The following WWOX variants were observed in gnomAD, a reference collection of about 807,000 sequenced individuals.
WWOX encodes the protein WW domain-containing oxidoreductase.
A neutral mutation model predicts 46.2 loss-of-function variants in WWOX; 69 were observed. That is an observed-to-expected ratio of 1.49 (90% CI 1.23 to 1.82). The LOEUF is 1.82. WWOX is among the 40% of genes most tolerant of loss of function. WWOX has a pLI of 0.00. For synonymous variants in WWOX, 359 were observed against 202.6 expected (o/e 1.77, Z -6.56); for missense variants, 919 against 542.6 (o/e 1.69, Z -6.89).
intron 8 of WWOX, among the ~76,000 whole-genome samples, chr16:78,992,010 G>A (rs1034668102): frequency 6.6e-6 from 1 of 152,148 alleles, no homozygotes; most frequent in East Asian, 1.9e-4. Context: ...TCACCTGAAG[G>A]ATCTTCTCCC....
chr16:78,976,014 A>G (rs1425784536), intron 8 of WWOX, among the ~76,000 whole-genome samples: 3 of 152,128 alleles, frequency 2.0e-5, no homozygotes, highest in Non-Finnish European at 4.4e-5. Flanking sequence ...TGGAGATGCC[A>G]TGTCCTTTCA....
chr16:78,480,259 T>C (rs1229155804), intron 8 of WWOX, among the ~76,000 whole-genome samples: 3 of 152,222 alleles, frequency 2.0e-5, no homozygotes, highest in African/African-American at 7.2e-5. Context: ...ATATAGAACA[T>C]TTCTACCATA....
intron 8 of WWOX, among the ~76,000 whole-genome samples, chr16:78,821,377 C>G (rs1287389878): frequency 6.6e-6 from 1 of 152,178 alleles, no homozygotes; most frequent in African/African-American, 2.4e-5. Context: ...TATGTGGCCT[C>G]TGGTTTATCC....
chr16:79,073,137 ATAG>A (rs1195814497), intron 8 of WWOX, among the ~76,000 whole-genome samples: 5 of 141,754 alleles, frequency 3.5e-5, no homozygotes, highest in Non-Finnish European at 6.0e-5. Context: ...TTTTTACATT[ATAG>A]TAGTTATTCG....
chr16:78,848,979 C>T (rs985359268), intron 8 of WWOX, among the ~76,000 whole-genome samples: 7 of 152,176 alleles, frequency 4.6e-5, no homozygotes, highest in Non-Finnish European at 1.0e-4. Context: ...AAATCATTTG[C>T]TGCGATGACT....
intron 6 of WWOX, among the ~76,000 whole-genome samples, chr16:78,414,625 GT>G (rs1356759067): frequency 6.6e-6 from 1 of 152,156 alleles, no homozygotes; most frequent in Non-Finnish European, 1.5e-5. Flanking sequence ...CCAATCTTAG[GT>G]TCTACAACAG....
chr16:78,810,192 T>C (rs1053817394), intron 8 of WWOX, among the ~76,000 whole-genome samples: 5 of 152,222 alleles, frequency 3.3e-5, no homozygotes, highest in South Asian at 2.1e-4. Context: ...CCCTTGCCTA[T>C]ACATTTTCAA....
chr16:78,733,863 C>T (rs923442282), intron 8 of WWOX, among the ~76,000 whole-genome samples: 3 of 152,182 alleles, frequency 2.0e-5, no homozygotes, highest in South Asian at 2.1e-4. Context: ...CCCAGGATTT[C>T]GAGACCAACC....
intron 5 of WWOX, among the ~76,000 whole-genome samples, chr16:78,258,432 G>A (rs1163356828): frequency 6.6e-6 from 1 of 152,074 alleles, no homozygotes. Context: ...TGCCTTCAGC[G>A]ATGATCTTTT....
At chr16:78,352,177 C>G (rs769716892) in intron 5 of WWOX, among the ~76,000 whole-genome samples, 3 of 152,218 alleles carry the variant, frequency 2.0e-5, no homozygotes, top group Non-Finnish European at 1.5e-5. Context: ...GCTTCTCTGT[C>G]TTCATTTTTC....
At chr16:78,319,747 C>G (rs1305225095) in intron 5 of WWOX, among the ~76,000 whole-genome samples, 3 of 152,164 alleles carry the variant, frequency 2.0e-5, no homozygotes, top group Non-Finnish European at 4.4e-5. Flanking sequence ...CAGGACTGTT[C>G]CATCTGCACC....
intron 8 of WWOX, among the ~76,000 whole-genome samples, chr16:78,790,642 C>T (rs921339280): frequency 1.7e-4 from 26 of 152,120 alleles, no homozygotes; most frequent in African/African-American, 6.3e-4. Flanking sequence ...TTTCTTCACC[C>T]ATGCCTTGGA....
chr16:78,874,663 C>T (rs1307313291), intron 8 of WWOX, among the ~76,000 whole-genome samples: 5 of 140,738 alleles, frequency 3.6e-5, no homozygotes, highest in East Asian at 2.1e-4. Context: ...TCAACTGTGT[C>T]TGTGACCAGA....
intron 8 of WWOX, among the ~76,000 whole-genome samples, chr16:78,468,455 G>T (rs1049550494): frequency 2.0e-5 from 3 of 152,072 alleles, no homozygotes; most frequent in Non-Finnish European, 2.9e-5. Context: ...TGAGTTTGCA[G>T]ATTCATCCTT....
chr16:78,977,053 C>T (rs2046586537), intron 8 of WWOX, among the ~76,000 whole-genome samples: 1 of 152,300 alleles, frequency 6.6e-6, no homozygotes, highest in Admixed American at 6.5e-5. Flanking sequence ...TCAACTGAGG[C>T]TCACGCACAC....
At chr16:78,544,964 C>G (rs1597243110) in intron 8 of WWOX, among the ~76,000 whole-genome samples, 1 of 150,584 alleles carries the variant, frequency 6.6e-6, no homozygotes, top group South Asian at 2.1e-4. Flanking sequence ...ATCATTTGAG[C>G]CCAGGAGTTA....
chr16:78,753,067 G>C (rs1292234123), intron 8 of WWOX, among the ~76,000 whole-genome samples: 1 of 152,148 alleles, frequency 6.6e-6, no homozygotes, highest in Non-Finnish European at 1.5e-5. Flanking sequence ...GGCCGAGGCG[G>C]GTGGATCACC....
rs1283129822 is a variant in WWOX, at chr16:78,147,682, T to TTGTTTTG, written c.410-16500_410-16499insGTTTTGT. On this transcript the variant is annotated intron_variant, in intron 4 of 8. Coordinates refer to ENST00000566780, the MANE Select transcript of WWOX (RefSeq NM_016373.4). ...TTTTCTTTTTCTTTCTTCCTTTTTT[T>TTGTTTTG]TTTTTTTTTTTTTTAAAAAAAAAAA... Among the ~76,000 whole-genome samples the TTGTTTTG allele has an allele frequency of 1.0e-4, 11 of 109,544 alleles. No individual in the cohort carries two copies. The East Asian group carries it at 2.2e-3, about 22-fold the overall frequency. The allele number at this position is 109,544 out of a possible 152,430, so 71.9% of individuals were successfully genotyped here. A position where few individuals can be genotyped will look rare whatever the true frequency, so the allele number is the denominator to read the frequency against.
intron 4 of WWOX, among the ~76,000 whole-genome samples, chr16:78,163,409 C>T (rs911555926): frequency 1.3e-5 from 2 of 152,128 alleles, no homozygotes; most frequent in Non-Finnish European, 1.5e-5. Flanking sequence ...GTGTGTTTAC[C>T]GTGGCCCTTT....
Sources: gnomAD v4.1 joint callset for allele counts (sites outside exome capture counted in the v4.1 genomes callset) on GRCh38, gnomAD v4.1.1 for gene constraint, MANE v1.5 for transcripts, NCBI Gene and HGNC (gene_info 2026-07-23, HGNC 2026-07-21) for gene names.